NCALD: variants seen among roughly 807,000 people sequenced by gnomAD.
NCALD encodes the protein neurocalcin-delta.
NCALD carries 10 observed loss-of-function variants against 18.6 expected under a neutral mutation model. The observed-to-expected ratio is 0.54, with a 90% CI of 0.33 to 0.91. The LOEUF (loss-of-function observed/expected upper bound fraction) is 0.91. Among genes scored for constraint, NCALD ranks in the 40% least tolerant of loss-of-function variants. The pLI is 0.03. For missense variants in NCALD, 184 were observed against 247.6 expected (o/e 0.74, Z 1.72); for synonymous variants, 88 against 87.4 (o/e 1.01, Z -0.04).
chr8:101,859,045 A>C (rs1815433928), intron 4 of NCALD, among the ~76,000 whole-genome samples: 1 of 152,190 alleles, frequency 6.6e-6, no homozygotes, highest in Non-Finnish European at 1.5e-5. Flanking sequence ...AAGGAGATTA[A>C]CATTTGAGTT....
intron 1 of NCALD, among the ~76,000 whole-genome samples, chr8:102,052,116 CA>C (rs1823477757): frequency 6.6e-6 from 1 of 152,140 alleles, no homozygotes; most frequent in African/African-American, 2.4e-5. Context: ...TGAAGTTATA[CA>C]AAGAACTACT....
chr8:101,787,944 C>T (rs1812293700), intron 1 of NCALD, among the ~76,000 whole-genome samples: 2 of 152,268 alleles, frequency 1.3e-5, no homozygotes, highest in African/African-American at 2.4e-5. Context: ...GGTTTTAACT[C>T]GCATAACTTG....
intron 2 of NCALD, among the ~76,000 whole-genome samples, chr8:101,981,139 C>G (rs7002438): frequency 6.6e-6 from 1 of 152,164 alleles, no homozygotes; most frequent in African/African-American, 2.4e-5. Flanking sequence ...AAGGCAATAA[C>G]CTCCTCTTAT....
intron 1 of NCALD, among the ~76,000 whole-genome samples, chr8:101,721,654 A>G (rs184815040): frequency 6.6e-6 from 1 of 152,280 alleles, no homozygotes; most frequent in East Asian, 1.9e-4. Flanking sequence ...AACTGCTTGC[A>G]TAATACTCAT....
At chr8:101,759,423 C>G (rs1426840304) in intron 1 of NCALD, among the ~76,000 whole-genome samples, 1 of 152,018 alleles carries the variant, frequency 6.6e-6, no homozygotes, top group Non-Finnish European at 1.5e-5. Context: ...AAGAGAGAGA[C>G]AGGGATTGCT....
intron 3 of NCALD, among the ~76,000 whole-genome samples, chr8:101,889,388 G>A (rs887776489): frequency 3.3e-5 from 5 of 152,200 alleles, no homozygotes; most frequent in Non-Finnish European, 7.3e-5. Flanking sequence ...TCTCAACCAG[G>A]TGATGACAGA....
chr8:101,911,270 T>TG (rs1817783492), intron 3 of NCALD, among the ~76,000 whole-genome samples: 2 of 147,440 alleles, frequency 1.4e-5, no homozygotes, highest in Non-Finnish European at 3.0e-5. Flanking sequence ...TGTAGAGACT[T>TG]GAAAAAAAAA....
chr8:102,000,092 C>T (rs1821393713), intron 2 of NCALD, among the ~76,000 whole-genome samples: 1 of 152,206 alleles, frequency 6.6e-6, no homozygotes, highest in South Asian at 2.1e-4. Context: ...GAGGCATTGC[C>T]TCACCCAGGA....
chr8:102,087,583 T>C (rs1161316810), intron 1 of NCALD, among the ~76,000 whole-genome samples: 1 of 152,196 alleles, frequency 6.6e-6, no homozygotes, highest in African/African-American at 2.4e-5. Flanking sequence ...AGAATCCTTC[T>C]TAAGATTTAG....
chr8:101,772,968 A>T (rs1811647186), intron 1 of NCALD, among the ~76,000 whole-genome samples: 1 of 152,176 alleles, frequency 6.6e-6, no homozygotes, highest in Non-Finnish European at 1.5e-5. Flanking sequence ...ATCATATATT[A>T]TCTCATCTTA....
intron 1 of NCALD, chr8:101,746,057 TCTTA>T (rs1810413162): frequency 6.6e-6 from 1 of 152,232 alleles, no homozygotes. Flanking sequence ...ATACCCAGTG[TCTTA>T]CTTAATCCTC....
intron 1 of NCALD, among the ~76,000 whole-genome samples, chr8:101,752,257 T>C (rs2032121): frequency 0.62 from 94,566 of 152,130 alleles, 31,935 homozygotes; most frequent in Non-Finnish European, 0.75. Context: ...CTTCTTTATT[T>C]CTAATAACTG....
chr8:101,727,929 C>T (rs1816647274), intron 1 of NCALD, among the ~76,000 whole-genome samples: 2 of 152,178 alleles, frequency 1.3e-5, no homozygotes, highest in Non-Finnish European at 1.5e-5. Context: ...CACTGGCATC[C>T]TGTTATTCAG....
At chr8:101,976,370 C>T (rs894689817) in intron 2 of NCALD, among the ~76,000 whole-genome samples, 1 of 152,110 alleles carries the variant, frequency 6.6e-6, no homozygotes, top group East Asian at 1.9e-4. Context: ...ATTGGGGACC[C>T]CCCGACTAAT....
At chr8:101,717,868 A>G (rs907276542) in intron 2 of NCALD, among the ~76,000 whole-genome samples, 2 of 152,240 alleles carry the variant, frequency 1.3e-5, no homozygotes, top group African/African-American at 4.8e-5. Context: ...GGAGATTAGC[A>G]TAAGAATGTG....
chr8:102,121,765 G>A (rs1825952231), intron 1 of NCALD, among the ~76,000 whole-genome samples: 1 of 152,108 alleles, frequency 6.6e-6, no homozygotes, highest in South Asian at 2.1e-4. Context: ...CACCTCGAGG[G>A]CAAGGATCCC....
chr8:101,800,899 AG>A (rs1294633752), intron 4 of NCALD, among the ~76,000 whole-genome samples: 2 of 38,846 alleles, frequency 5.1e-5, no homozygotes, highest in Non-Finnish European at 8.3e-5. Context: ...GGGAGAGGGG[AG>A]GGGGAAAAAA....
chr8:102,091,597 G>A (rs1824925150), intron 1 of NCALD, among the ~76,000 whole-genome samples: 1 of 152,158 alleles, frequency 6.6e-6, no homozygotes, highest in Non-Finnish European at 1.5e-5. Flanking sequence ...ATTTACTTGG[G>A]ATAATTTTAC....
At chr8:101,945,636 T>A (rs572319801) in intron 2 of NCALD, among the ~76,000 whole-genome samples, 1 of 152,324 alleles carries the variant, frequency 6.6e-6, no homozygotes, top group South Asian at 2.1e-4. Context: ...ATGCTGGCAC[T>A]GCGAACCCAT....
Sources: allele counts gnomAD v4.1 joint callset (sites outside exome capture counted in the v4.1 genomes callset), GRCh38; gene constraint gnomAD v4.1.1; transcripts MANE v1.5; gene names NCBI Gene and HGNC (gene_info 2026-07-23, HGNC 2026-07-21).